Variants in IMMP2L observed in about 807,000 individuals in gnomAD.
The protein encoded by IMMP2L is mitochondrial inner membrane protease subunit 2.
A neutral mutation model predicts 19.3 loss-of-function variants in IMMP2L; 18 were observed. The observed-to-expected ratio is 0.93, with a 90% CI of 0.64 to 1.38. The LOEUF (loss-of-function observed/expected upper bound fraction) is 1.38. IMMP2L is among the 40% of genes most tolerant of loss of function. The pLI is 0.00. For synonymous variants in IMMP2L, 76 were observed against 73.0 expected (o/e 1.04, Z -0.21); for missense variants, 233 against 218.2 (o/e 1.07, Z -0.43).
Position 111,271,831 on chromosome 7 carries a change from A to C in IMMP2L, c.239+215407T>G, listed in dbSNP as rs1164015865. Among the ~76,000 whole-genome samples, 3 of 152,144 alleles carry C rather than the reference A, an allele frequency of 2.0e-5. No homozygotes were observed. The East Asian group carries it at 5.8e-4, about 29-fold the overall frequency. On this transcript the variant is annotated intron_variant, in intron 3 of 5. Transcript: ENST00000405709. ...TCAGAAAAAAATGACACCACCATGA[A>C]GCAAGTTGCTCAAGTTGTTCAAGCT...
chr7:110,857,239 T>C (rs1240978702), intron 5 of IMMP2L, among the ~76,000 whole-genome samples: 1 of 152,130 alleles, frequency 6.6e-6, no homozygotes, highest in Non-Finnish European at 1.5e-5. Flanking sequence ...GGGGAATATC[T>C]GGTCTTGATC....
At chr7:111,152,293 G>C (rs6970505) in intron 3 of IMMP2L, among the ~76,000 whole-genome samples, 14 of 152,018 alleles carry the variant, frequency 9.2e-5, no homozygotes, top group African/African-American at 3.4e-4. Context: ...CCCTCCCTTT[G>C]AGCACTTAAT....
intron 3 of IMMP2L, among the ~76,000 whole-genome samples, chr7:111,040,192 C>T (rs1791760272): frequency 6.6e-6 from 1 of 152,054 alleles, no homozygotes; most frequent in South Asian, 2.1e-4. Flanking sequence ...CTGGTCACTA[C>T]ACTACATAAT....
At chr7:111,338,068 A>C (rs1826628931) in intron 3 of IMMP2L, among the ~76,000 whole-genome samples, 1 of 152,176 alleles carries the variant, frequency 6.6e-6, no homozygotes, top group African/African-American at 2.4e-5. Flanking sequence ...AGAGTGAGAC[A>C]AAGGAAGAAG....
intron 3 of IMMP2L, among the ~76,000 whole-genome samples, chr7:111,001,669 C>T (rs929599258): frequency 2.0e-5 from 3 of 152,126 alleles, no homozygotes; most frequent in African/African-American, 7.2e-5. Flanking sequence ...ACTGCTAAAA[C>T]ATGATTAATA....
At chr7:111,485,366 G>A (rs1315255901) in intron 3 of IMMP2L, among the ~76,000 whole-genome samples, 1 of 151,932 alleles carries the variant, frequency 6.6e-6, no homozygotes, top group Non-Finnish European at 1.5e-5. Flanking sequence ...TTGGGAGGCC[G>A]AGGTGGATAG....
intron 3 of IMMP2L, among the ~76,000 whole-genome samples, chr7:111,122,141 G>A (rs1427209642): frequency 6.6e-6 from 1 of 151,750 alleles, no homozygotes; most frequent in Non-Finnish European, 1.5e-5. Flanking sequence ...GTTAATGGGT[G>A]CAGCACACCA....
chr7:111,235,788 C>T (rs1239307487), intron 3 of IMMP2L, among the ~76,000 whole-genome samples: 1 of 151,924 alleles, frequency 6.6e-6, no homozygotes. Flanking sequence ...TCCCACTTTC[C>T]TCCTCTTCAG....
chr7:111,149,851 T>C (rs1803881231), intron 3 of IMMP2L, among the ~76,000 whole-genome samples: 1 of 152,140 alleles, frequency 6.6e-6, no homozygotes, highest in Admixed American at 6.6e-5. Context: ...TCACTTTATG[T>C]TCAAGATTAC....
chr7:111,220,937 A>G (rs761233278), intron 3 of IMMP2L, among the ~76,000 whole-genome samples: 1 of 152,068 alleles, frequency 6.6e-6, no homozygotes, highest in Non-Finnish European at 1.5e-5. Flanking sequence ...CAGGCCCTCA[A>G]TAGATTGGAT....
chr7:110,802,629 G>A (rs1349934268), intron 5 of IMMP2L, among the ~76,000 whole-genome samples: 3 of 151,890 alleles, frequency 2.0e-5, no homozygotes, highest in Admixed American at 6.6e-5. Flanking sequence ...TATTATTAGC[G>A]TCTTCTTTGT....
chr7:111,271,839 G>A (rs1818506498), intron 3 of IMMP2L, among the ~76,000 whole-genome samples: 1 of 152,070 alleles, frequency 6.6e-6, no homozygotes, highest in Non-Finnish European at 1.5e-5. Flanking sequence ...GAAGCAAGTT[G>A]CTCAAGTTGT....
At chr7:110,696,410 G>A (rs1793877944) in intron 5 of IMMP2L, among the ~76,000 whole-genome samples, 1 of 146,978 alleles carries the variant, frequency 6.8e-6, no homozygotes, top group Non-Finnish European at 1.5e-5. Flanking sequence ...TCTGCACTGA[G>A]ACATTCCTTT....
chr7:111,394,821 T>C (rs1832712443), intron 3 of IMMP2L: 1 of 219,572 alleles, frequency 4.6e-6, no homozygotes. Flanking sequence ...ATTTTTTGTA[T>C]ATTTGTAAAA....
chr7:110,993,392 C>T (rs983826143), intron 3 of IMMP2L, among the ~76,000 whole-genome samples: 2 of 152,092 alleles, frequency 1.3e-5, no homozygotes, highest in Admixed American at 1.3e-4. Flanking sequence ...GGGCTTCTTT[C>T]CTTGTAGTTG....
intron 3 of IMMP2L, chr7:111,391,952 A>T: frequency 1.4e-6 from 1 of 703,144 alleles, no homozygotes. Flanking sequence ...CTTCAATCTT[A>T]GGCTAACTCT....
intron 5 of IMMP2L, among the ~76,000 whole-genome samples, chr7:110,684,689 G>T (rs974409887): frequency 5.3e-5 from 8 of 152,002 alleles, no homozygotes; most frequent in African/African-American, 1.9e-4. Context: ...TCACTGCCCT[G>T]TGGAAATTTG....
At chr7:111,220,852 G>A in intron 3 of IMMP2L, among the ~76,000 whole-genome samples, 1 of 151,850 alleles carries the variant, frequency 6.6e-6, no homozygotes, top group East Asian at 1.9e-4. Flanking sequence ...GGGAACCGAG[G>A]GCAAGAGATG....
intron 3 of IMMP2L, among the ~76,000 whole-genome samples, chr7:111,330,009 C>G (rs775283425): frequency 6.6e-6 from 1 of 151,594 alleles, no homozygotes; most frequent in Non-Finnish European, 1.5e-5. Flanking sequence ...AGAAGAAAAC[C>G]ATAACACTCA....
Sources: allele counts gnomAD v4.1 joint callset (sites outside exome capture counted in the v4.1 genomes callset), GRCh38; gene constraint gnomAD v4.1.1; transcripts MANE v1.5; gene names NCBI Gene and HGNC (gene_info 2026-07-23, HGNC 2026-07-21).